The following TRIML1 variants were observed in gnomAD, a reference collection of about 807,000 sequenced individuals.
TRIML1 encodes probable E3 ubiquitin-protein ligase TRIML1.
A neutral mutation model predicts 32.3 loss-of-function variants in TRIML1; 34 were observed. That is an observed-to-expected ratio of 1.05 (90% CI 0.80 to 1.40). The LOEUF is 1.40. TRIML1 is among the 40% of genes most tolerant of loss of function. The pLI is 0.00. For synonymous variants in TRIML1, 244 were observed against 226.6 expected, an observed-to-expected ratio of 1.08 and a Z score of -0.69; for missense variants, 595 against 574.9, an observed-to-expected ratio of 1.03 and a Z score of -0.36.
rs1165084785 is a variant in TRIML1 at position 188,143,854 on chromosome 4, T to C, written c.752T>C (p.Leu251Pro). Residue 251 changes from leucine (L) to proline (P), a missense_variant, in exon 4 of 6, where the codon CTG becomes CCG. Physicochemically the swap from Leu to Pro is moderately conservative, Grantham distance 98. Coordinates refer to ENST00000332517, the MANE Select transcript of TRIML1 (RefSeq NM_178556.5). ...FESLEEVRGA[L>P]ERSEPLLLQC... ...TACCCGTAGGAAGTGAGAGGAGCCC[T>C]GGAAAGGTAGGCTTTCATTCTGTGT... is the stretch of plus-strand genomic sequence containing the variant. The C allele has an allele frequency of 1.2e-6, 2 of 1,614,056 alleles. No homozygotes were observed. Among genetic ancestry groups the C allele is most frequent in the Non-Finnish European group, 1.7e-6 (2 of 1,180,036 alleles).
intron 5 of TRIML1, among the ~76,000 whole-genome samples, chr4:188,144,609 G>A (rs955927440): frequency 4.6e-5 from 7 of 151,414 alleles, no homozygotes; most frequent in South Asian, 2.1e-4. Flanking sequence ...TGATCCGCCC[G>A]CCTCGGCCTC....
chr4:188,146,317 TCTC>T (rs1735079135), intron 5 of TRIML1, among the ~76,000 whole-genome samples: 1 of 152,164 alleles, frequency 6.6e-6, no homozygotes, highest in Non-Finnish European at 1.5e-5. Flanking sequence ...TAAAGCTCCT[TCTC>T]CACGTGGCTC....
chr4:188,137,705 G>A (rs1484159729), upstream of TRIML1, among the ~76,000 whole-genome samples: 2 of 151,696 alleles, frequency 1.3e-5, no homozygotes, highest in African/African-American at 2.4e-5. Context: ...TCGAACTCCC[G>A]ACCTCAAGTG....
chr4:188,144,134 G>GT lies in TRIML1; in HGVS notation c.856+2dup. The GT allele has an allele frequency of 6.2e-7, 1 of 1,613,384 alleles. No homozygotes were observed. The highest frequency in any genetic ancestry group is 1.7e-4 in the Middle Eastern group (1 of 6,056). ...AAGGAGATGCTAAGAAAATTCAGCAGTAAGTCAGCCTGATTTGTTACCCCT... is the reference window on the plus strand; with the variant it reads ...AAGGAGATGCTAAGAAAATTCAGCAGTTAAGTCAGCCTGATTTGTTACCCCT... On this transcript the variant is annotated splice_donor_variant, in intron 5 of 5. Transcript: ENST00000332517. LOFTEE classifies it high-confidence loss of function.
intron 2 of TRIML1, among the ~76,000 whole-genome samples, chr4:188,141,132 T>C (rs1033270091): frequency 2.0e-5 from 3 of 150,936 alleles, no homozygotes; most frequent in Non-Finnish European, 2.9e-5. Context: ...TTTAAAACCA[T>C]GTATCTGATT....
At chr4:188,146,795 G>A (rs1299330359) in intron 5 of TRIML1, 27 bp from the exon 6 acceptor site, 4 of 1,345,414 alleles carry the variant, frequency 3.0e-6, no homozygotes, top group Non-Finnish European at 3.8e-6. Flanking sequence ...ATGCCCAAGG[G>A]AAATCTCTTC....
intron 3 of TRIML1, among the ~76,000 whole-genome samples, chr4:188,142,747 CT>C (rs1734911619): frequency 1.5e-5 from 2 of 132,576 alleles, no homozygotes; most frequent in South Asian, 2.8e-4. Context: ...TCTCTGCAAC[CT>C]CAGCTTTGTT....
At chr4:188,147,745 T>G (rs1166177525), downstream of TRIML1, 1 of 163,442 alleles carries the variant, frequency 6.1e-6, no homozygotes, top group Admixed American at 6.4e-5. Flanking sequence ...TCTTAAAAAC[T>G]GTGCTGCTCG....
At chr4:188,146,418 GT>G (rs1360117514) in intron 5 of TRIML1, among the ~76,000 whole-genome samples, 4 of 152,090 alleles carry the variant, frequency 2.6e-5, no homozygotes, top group Non-Finnish European at 4.4e-5. Flanking sequence ...ACCAAATACT[GT>G]TTTTTTCTGA....
rs868435235 is a variant in TRIML1 at position 188,144,095 on chromosome 4, G to A, written c.818G>A (p.Arg273His). The A allele has an allele frequency of 6.2e-7, 1 of 1,614,052 alleles. No individual in the cohort carries two copies. Among genetic ancestry groups the A allele is most frequent in the Non-Finnish European group, 8.5e-7 (1 of 1,180,008 alleles). ...EATTTELSLC[R>H]ITGMKEMLRK... Reference sequence around the variant, plus strand: ...ACCACCACAGAGCTGAGTCTGTGCCGCATCACGGGAATGAAGGAGATGCTA... The same window carrying A: ...ACCACCACAGAGCTGAGTCTGTGCCACATCACGGGAATGAAGGAGATGCTA... The change falls in exon 5 of 6, where the codon CGC becomes CAC. Residue 273 changes from arginine to histidine, a missense_variant. By Grantham distance (29) the Arg-to-His change is conservative. Transcript: ENST00000332517.
At chr4:188,138,080 T>G (rs1734717463), upstream of TRIML1, among the ~76,000 whole-genome samples, 1 of 152,116 alleles carries the variant, frequency 6.6e-6, no homozygotes, top group African/African-American at 2.4e-5. Context: ...TTGCTCTTAT[T>G]TTTTCATAGC....
At chr4:188,140,847 C>T (rs2111225725) in intron 2 of TRIML1, 2 of 446,772 alleles carry the variant, frequency 4.5e-6, no homozygotes, top group South Asian at 7.2e-5. Flanking sequence ...CATAACTAGA[C>T]AACGCTGTGG....
At chr4:188,142,114 T>C (rs1734876559) in intron 2 of TRIML1, 138 bp from the exon 3 acceptor site, 2 of 515,968 alleles carry the variant, frequency 3.9e-6, no homozygotes, top group Non-Finnish European at 6.0e-6. Flanking sequence ...AGACTCCATC[T>C]CAAAAAAAAA....
rs565217469 is a variant in TRIML1, at chr4:188,147,550, T to C, written c.*178T>C. The C allele has an allele frequency of 2.3e-6, 1 of 432,756 alleles. No homozygotes were observed. Among genetic ancestry groups the C allele is most frequent in the South Asian group, 1.1e-4 (1 of 9,380 alleles). 26.8% of individuals were successfully genotyped at this position (432,756 alleles called of 1,614,324 possible). On this transcript the variant is annotated 3_prime_UTR_variant, in exon 6 of 6. Transcript: ENST00000332517. The stretch of plus-strand genomic sequence containing the variant: ...CATTATGAACAGCCACATTACACAA[T>C]CAACTTCAACCCCAATAGAAGAGAG...
At position 188,142,289 on chromosome 4, in the gene TRIML1, A is replaced by C; in HGVS notation, c.542A>C (p.Glu181Ala). ...ACTTGTAAACAGGTTGTTGTGTCAG[A>C]ATACATGAAAATGCACCAGTTCCTG... ...TKTCKQVVVS[E>A]YMKMHQFLKE... The change falls in exon 3 of 6, where the codon GAA (glutamate) becomes GCA (alanine). Residue 181 changes from glutamate to alanine, a missense_variant. Coordinates refer to ENST00000332517, the MANE Select transcript of TRIML1 (RefSeq NM_178556.5). The C allele has an allele frequency of 6.2e-7, 1 of 1,612,632 alleles. No homozygotes were observed. Among genetic ancestry groups the C allele is most frequent in the Non-Finnish European group, 8.5e-7 (1 of 1,179,782 alleles).
intron 3 of TRIML1, chr4:188,142,946 C>T (rs1734918732): frequency 6.4e-6 from 1 of 157,096 alleles, no homozygotes; most frequent in African/African-American, 2.4e-5. Flanking sequence ...CTAACGAGAT[C>T]TGCCCGCCTG....
At position 188,141,165 on chromosome 4, in the gene TRIML1, G is replaced by GTTTTTTT. The variant is rs58714915; in HGVS notation, c.504+555_504+561dup. On this transcript the variant is annotated intron_variant, in intron 2 of 5. Coordinates refer to ENST00000332517, the MANE Select transcript of TRIML1 (RefSeq NM_178556.5). ...ATTCTCCCAATAGACTTTGAAATCT[G>GTTTTTTT]TTTTTTTTTTTTTTTTTTTGGAGAT... 1.5e-3 allele frequency among the ~76,000 whole-genome samples: 174 copies of GTTTTTTT among 118,784 alleles called. 10 individuals are homozygous for GTTTTTTT. The highest frequency in any genetic ancestry group is 4.8e-3 in the African/African-American group (160 of 33,358). 77.9% of individuals were successfully genotyped at this position (118,784 alleles called of 152,430 possible). A position where few individuals can be genotyped will look rare whatever the true frequency, so the allele number is the denominator to read the frequency against.
chr4:188,148,827 C>T (rs188127106), downstream of TRIML1, among the ~76,000 whole-genome samples: 17 of 151,204 alleles, frequency 1.1e-4, no homozygotes, highest in East Asian at 3.1e-3. Context: ...GTCTTGAACC[C>T]CTGACCTCAG....
At chr4:188,137,864 C>T (rs1356968000), upstream of TRIML1, among the ~76,000 whole-genome samples, 2 of 151,580 alleles carry the variant, frequency 1.3e-5, no homozygotes, top group East Asian at 1.9e-4. Context: ...CCACCCACCT[C>T]GGCCTCCCAA....
Sources: allele counts gnomAD v4.1 joint callset (sites outside exome capture counted in the v4.1 genomes callset), GRCh38; gene constraint gnomAD v4.1.1; transcripts MANE v1.5; gene names NCBI Gene and HGNC (gene_info 2026-07-23, HGNC 2026-07-21).